The following LRP1B variants were observed in gnomAD, a reference collection of about 807,000 sequenced individuals.
LRP1B encodes low-density lipoprotein receptor-related protein 1B.
LRP1B carries 217 observed loss-of-function variants against 556.6 expected under a neutral mutation model. That is an observed-to-expected ratio of 0.39 (90% confidence interval 0.35 to 0.44). LRP1B has a LOEUF of 0.44. Ranked by LOEUF, LRP1B falls within the 20% of genes least tolerant of loss-of-function variation. LRP1B has a pLI of 1.00. For missense variants in LRP1B, 5,053 were observed against 5,620.8 expected (o/e 0.90, Z 3.23); for synonymous variants, 2,047 against 1,865.8 (o/e 1.10, Z -2.50).
At chr2:141,982,571 G>A (rs1329690199) in intron 1 of LRP1B, among the ~76,000 whole-genome samples, 1 of 152,096 alleles carries the variant, frequency 6.6e-6, no homozygotes, top group Non-Finnish European at 1.5e-5. Flanking sequence ...CTATCTCTGT[G>A]AACAACTCGG....
chr2:141,501,427 T>G (rs1215786627), intron 2 of LRP1B, among the ~76,000 whole-genome samples: 2 of 152,090 alleles, frequency 1.3e-5, no homozygotes, highest in East Asian at 3.9e-4. Flanking sequence ...GTATACTACA[T>G]GAAAAGAAAA....
intron 7 of LRP1B, among the ~76,000 whole-genome samples, chr2:141,147,094 T>C (rs1701804149): frequency 6.6e-6 from 1 of 152,314 alleles, no homozygotes; most frequent in Admixed American, 6.5e-5. Flanking sequence ...CCTTTTCTGC[T>C]CTGGGTCATA....
chr2:141,436,090 A>C (rs1214996023), intron 3 of LRP1B, among the ~76,000 whole-genome samples: 3 of 152,238 alleles, frequency 2.0e-5, no homozygotes, highest in Non-Finnish European at 2.9e-5. Flanking sequence ...TCAAAAATTT[A>C]GTAAAATGTC....
chr2:142,123,491 C>T (rs1707527935), intron 1 of LRP1B, among the ~76,000 whole-genome samples: 1 of 151,882 alleles, frequency 6.6e-6, no homozygotes, highest in African/African-American at 2.4e-5. Context: ...AAAATGAGGT[C>T]ATGTTTCAAC....
At chr2:140,358,748 A>G in intron 73 of LRP1B, 73 bp downstream of exon 73, 2 of 1,502,264 alleles carry the variant, frequency 1.3e-6, no homozygotes, top group Non-Finnish European at 1.8e-6. Context: ...TGTATTTTTT[A>G]AAATGTTTGT....
At chr2:140,287,641 T>TAA (rs34500444) in intron 84 of LRP1B, among the ~76,000 whole-genome samples, 2 of 135,284 alleles carry the variant, frequency 1.5e-5, no homozygotes, top group African/African-American at 2.8e-5. Flanking sequence ...ATATTGCAAG[T>TAA]AAAAAAAAAA....
At chr2:141,730,900 T>G (rs762371107) in intron 2 of LRP1B, among the ~76,000 whole-genome samples, 2 of 152,116 alleles carry the variant, frequency 1.3e-5, no homozygotes, top group Non-Finnish European at 2.9e-5. Flanking sequence ...GTATAAAGAC[T>G]CCTTTTTGGC....
intron 77 of LRP1B, among the ~76,000 whole-genome samples, chr2:140,337,058 A>G (rs575424929): frequency 1.3e-5 from 2 of 152,000 alleles, no homozygotes; most frequent in South Asian, 4.1e-4. Flanking sequence ...AACCAATATT[A>G]TCAATCAGTG....
intron 2 of LRP1B, among the ~76,000 whole-genome samples, chr2:141,485,989 G>A (rs1298267163): frequency 6.6e-6 from 1 of 152,098 alleles, no homozygotes; most frequent in African/African-American, 2.4e-5. Flanking sequence ...GAGGTGACCA[G>A]GTAGTGTAGG....
At chr2:141,202,007 T>C (rs1682044517) in intron 6 of LRP1B, among the ~76,000 whole-genome samples, 1 of 152,228 alleles carries the variant, frequency 6.6e-6, no homozygotes, top group Non-Finnish European at 1.5e-5. Context: ...TGTGCAGGTT[T>C]GTTACACAGG....
At chr2:140,550,350 G>T (rs16844232) in intron 43 of LRP1B, among the ~76,000 whole-genome samples, 6 of 151,994 alleles carry the variant, frequency 3.9e-5, no homozygotes, top group Non-Finnish European at 8.8e-5. Flanking sequence ...AGTGACAGGC[G>T]CTGGAGCACT....
chr2:140,637,477 C>A (rs932996495), intron 41 of LRP1B, among the ~76,000 whole-genome samples: 1 of 152,304 alleles, frequency 6.6e-6, no homozygotes, highest in Non-Finnish European at 1.5e-5. Context: ...TGTGTATTTT[C>A]ATACATTAGA....
At chr2:140,743,575 A>T (rs1361840213) in intron 35 of LRP1B, among the ~76,000 whole-genome samples, 1 of 152,190 alleles carries the variant, frequency 6.6e-6, no homozygotes, top group Non-Finnish European at 1.5e-5. Context: ...TCTGATGAGG[A>T]TTAAATGAAT....
intron 49 of LRP1B, among the ~76,000 whole-genome samples, chr2:140,518,985 T>TG (rs2104946541): frequency 6.6e-6 from 1 of 152,250 alleles, no homozygotes; most frequent in East Asian, 1.9e-4. Flanking sequence ...GGAAGAACAG[T>TG]CCATGCTTAT....
chr2:141,766,772 C>A (rs1363088719), intron 2 of LRP1B, among the ~76,000 whole-genome samples: 2 of 152,088 alleles, frequency 1.3e-5, no homozygotes, highest in Non-Finnish European at 2.9e-5. Context: ...TTCTTTTCTC[C>A]AATAGTAGGA....
At chr2:141,391,918 C>G (rs553019901) in intron 3 of LRP1B, among the ~76,000 whole-genome samples, 1 of 152,132 alleles carries the variant, frequency 6.6e-6, no homozygotes, top group Admixed American at 6.5e-5. Flanking sequence ...TGAATTTTAC[C>G]CCTATGATGT....
chr2:140,678,280 G>C, intron 41 of LRP1B, among the ~76,000 whole-genome samples: 1 of 152,178 alleles, frequency 6.6e-6, no homozygotes, highest in Non-Finnish European at 1.5e-5. Context: ...GATTATATAT[G>C]TAAATCTGTG....
At chr2:140,662,160 T>A (rs999860648) in intron 41 of LRP1B, among the ~76,000 whole-genome samples, 1 of 152,038 alleles carries the variant, frequency 6.6e-6, no homozygotes, top group Non-Finnish European at 1.5e-5. Context: ...ATCCATTATA[T>A]ATTACTACAT....
chr2:141,814,771 A>T (rs1185602042), intron 1 of LRP1B, among the ~76,000 whole-genome samples: 1 of 152,200 alleles, frequency 6.6e-6, no homozygotes, highest in African/African-American at 2.4e-5. Context: ...TAAAACTGGA[A>T]ACAAAAGAGA....
Sources: gnomAD v4.1 joint callset for allele counts (sites outside exome capture counted in the v4.1 genomes callset) on GRCh38, gnomAD v4.1.1 for gene constraint, MANE v1.5 for transcripts, NCBI Gene and HGNC (gene_info 2026-07-23, HGNC 2026-07-21) for gene names.